Variants in CNTLN observed in about 807,000 individuals in gnomAD.
CNTLN encodes centlein, centrosomal protein.
CNTLN carries 212 observed loss-of-function variants against 180.0 expected under a neutral mutation model. The observed-to-expected ratio is 1.18, with a 90% CI of 1.05 to 1.32. The LOEUF (loss-of-function observed/expected upper bound fraction) is 1.32. CNTLN is among the 40% of genes most tolerant of loss of function. CNTLN has a pLI of 0.00. For missense variants in CNTLN, 2,095 were observed against 1,610.9 expected, an observed-to-expected ratio of 1.30 and a Z score of -5.14; for synonymous variants, 722 against 563.1, an observed-to-expected ratio of 1.28 and a Z score of -3.99.
chr9:17,331,124 TA>T (rs1820615909), intron 9 of CNTLN, among the ~76,000 whole-genome samples: 1 of 151,944 alleles, frequency 6.6e-6, no homozygotes. Context: ...TCTATCTGAT[TA>T]AAAATTTATT....
At chr9:17,255,137 A>G (rs549409178) in intron 5 of CNTLN, among the ~76,000 whole-genome samples, 1 of 151,932 alleles carries the variant, frequency 6.6e-6, no homozygotes, top group East Asian at 1.9e-4. Flanking sequence ...GCAACAAGAG[A>G]TAATTTTACT....
chr9:17,521,508 T>C, the CNTLN span, among the ~76,000 whole-genome samples: 1 of 152,186 alleles, frequency 6.6e-6, no homozygotes, highest in Non-Finnish European at 1.5e-5. Context: ...TGAGTATGTC[T>C]GGTGTGGATA....
At chr9:17,191,383 T>C (rs2131809770) in intron 2 of CNTLN, among the ~76,000 whole-genome samples, 1 of 152,324 alleles carries the variant, frequency 6.6e-6, no homozygotes, top group Middle Eastern at 3.4e-3. Flanking sequence ...CCAATAGATG[T>C]CAAGTATTGC....
At chr9:17,433,948 T>G (rs906106580) in intron 18 of CNTLN, among the ~76,000 whole-genome samples, 3 of 152,206 alleles carry the variant, frequency 2.0e-5, no homozygotes, top group South Asian at 2.1e-4. Context: ...GAGATGATAA[T>G]AAGAGTTTTC....
At chr9:17,362,223 C>A (rs568257951) in intron 12 of CNTLN, among the ~76,000 whole-genome samples, 1 of 152,320 alleles carries the variant, frequency 6.6e-6, no homozygotes, top group Non-Finnish European at 1.5e-5. Context: ...CCAAGGAAAA[C>A]TAAGTTGAGG....
chr9:17,483,291 A>G (rs1588090738), intron 23 of CNTLN, among the ~76,000 whole-genome samples: 1 of 151,324 alleles, frequency 6.6e-6, no homozygotes, highest in African/African-American at 2.4e-5. Context: ...CTACTCTGAA[A>G]TAGCATATTG....
chr9:17,481,178 A>G (rs947781678), intron 23 of CNTLN, among the ~76,000 whole-genome samples: 1 of 152,206 alleles, frequency 6.6e-6, no homozygotes, highest in Non-Finnish European at 1.5e-5. Context: ...ACCTGGCTAT[A>G]GAGCTCAGCC....
chr9:17,367,394 A>G (rs570012808), intron 13 of CNTLN, among the ~76,000 whole-genome samples: 3 of 102,412 alleles, frequency 2.9e-5, no homozygotes, highest in South Asian at 5.0e-4. Flanking sequence ...GGGGCTCTAT[A>G]TAAACTTAAA....
intron 13 of CNTLN, among the ~76,000 whole-genome samples, chr9:17,375,956 C>G (rs1349427992): frequency 6.6e-6 from 1 of 152,192 alleles, no homozygotes. Flanking sequence ...ATTCTAACCA[C>G]TGTACTTTTA....
intron 6 of CNTLN, among the ~76,000 whole-genome samples, chr9:17,274,854 T>G (rs1428660534): frequency 6.6e-6 from 1 of 152,076 alleles, no homozygotes; most frequent in Non-Finnish European, 1.5e-5. Context: ...AATACAGTTT[T>G]GTAAATTTAA....
intron 14 of CNTLN, among the ~76,000 whole-genome samples, chr9:17,393,074 A>C (rs937894686): frequency 2.0e-5 from 3 of 152,176 alleles, no homozygotes; most frequent in African/African-American, 7.2e-5. Flanking sequence ...CCAAGATCTG[A>C]GATTCAGTGT....
intron 12 of CNTLN, among the ~76,000 whole-genome samples, chr9:17,357,267 G>GT (rs34806014): frequency 0.59 from 88,702 of 151,552 alleles, 26,280 homozygotes; most frequent in East Asian, 0.73. Context: ...GGATGTTTGG[G>GT]TTTTTTCCAT....
Position 17,301,336 on chromosome 9 carries a change from G to A in CNTLN, c.1146+2984G>A, listed in dbSNP as rs1338406569. The A allele has an allele frequency of 3.0e-6, 3 of 985,180 alleles. No homozygotes were observed. In the African/African-American group the frequency reaches 5.2e-5, roughly 17 times the overall value. 61.0% of individuals were successfully genotyped at this position (985,180 alleles called of 1,614,324 possible). The stretch of plus-strand genomic sequence containing the variant: ...CTAGGATTATGTTTATCCCTTCCAA[G>A]AATCATTATAGAAAATGAGAGATGT... On this transcript the variant is annotated intron_variant, in intron 7 of 25. Coordinates refer to ENST00000380647, the MANE Select transcript of CNTLN (RefSeq NM_017738.4).
intron 12 of CNTLN, among the ~76,000 whole-genome samples, chr9:17,356,311 T>A (rs541262057): frequency 6.6e-6 from 1 of 152,320 alleles, no homozygotes; most frequent in African/African-American, 2.4e-5. Flanking sequence ...ACTAAGATTG[T>A]AGCTCAGAGG....
In CNTLN at chr9:17,236,472, G is replaced by C. The variant is rs1563909345; in HGVS notation, c.733G>C (p.Glu245Gln). Reference protein sequence around the residue: ...QNRLVIKNLEEENKKLSTRCT... With the variant: ...QNRLVIKNLEQENKKLSTRCT... ...CAGACTAGTTATAAAAAATCTGGAG[G>C]AGGAAAACAAGAAATTAAGTACCCG... The change falls in exon 5 of 26, where the codon GAG becomes CAG. Residue 245 changes from glutamate (E) to glutamine (Q), a missense_variant. Transcript: ENST00000380647. 1.1e-5 allele frequency: 17 copies of C among 1,613,584 alleles called. No homozygotes were observed. The highest frequency in any genetic ancestry group is 1.4e-5 in the Non-Finnish European group (17 of 1,179,742).
chr9:17,164,129 T>C (rs1210078987), intron 2 of CNTLN, among the ~76,000 whole-genome samples: 1 of 151,768 alleles, frequency 6.6e-6, no homozygotes, highest in Non-Finnish European at 1.5e-5. Context: ...CTGTCCAACA[T>C]GGCGAAAACC....
rs1423127410 is a variant in CNTLN, at chr9:17,466,897, A to C, written c.3855+6A>C. On this transcript the variant is annotated splice_donor_region_variant and intron_variant, in intron 23 of 25. Coordinates refer to ENST00000380647, the MANE Select transcript of CNTLN (RefSeq NM_017738.4). ...AGTTCACCACATTTGTGAAGGTTTG[A>C]ATTACTTGTCGTTTACTAACTTGTA... 1 of 1,604,178 alleles carries C rather than the reference A, an allele frequency of 6.2e-7. No individual in the cohort carries two copies. The highest frequency in any genetic ancestry group is 2.2e-5 in the East Asian group (1 of 44,588).
chr9:17,500,855 C>A (rs1833712441), intron 25 of CNTLN, among the ~76,000 whole-genome samples: 1 of 152,128 alleles, frequency 6.6e-6, no homozygotes, highest in Admixed American at 6.6e-5. Flanking sequence ...TTCTTTCACA[C>A]CTAAAATTAA....
chr9:17,306,861 A>C (rs1485016505), intron 7 of CNTLN, among the ~76,000 whole-genome samples: 3 of 152,170 alleles, frequency 2.0e-5, no homozygotes, highest in Non-Finnish European at 4.4e-5. Flanking sequence ...TTAAATATTC[A>C]TTGAAAAAAT....
Sources: allele counts gnomAD v4.1 joint callset (sites outside exome capture counted in the v4.1 genomes callset), GRCh38; gene constraint gnomAD v4.1.1; transcripts MANE v1.5; gene names NCBI Gene and HGNC (gene_info 2026-07-23, HGNC 2026-07-21).